KIF16B: variants seen among roughly 807,000 people sequenced by gnomAD.
The protein encoded by KIF16B is kinesin family member 16B, also known as kinesin-like protein KIF16B.
A neutral mutation model predicts 156.3 loss-of-function variants in KIF16B; 98 were observed. The ratio of observed to expected loss-of-function variants is 0.63; its 90% CI spans 0.53 to 0.74. The LOEUF (loss-of-function observed/expected upper bound fraction) is 0.74, where lower values mean the gene tolerates loss of function less well. Among genes scored for constraint, KIF16B ranks in the 30% least tolerant of loss-of-function variants. The pLI is 0.00. For missense variants in KIF16B, 1,421 were observed against 1,606.5 expected (o/e 0.88, Z 1.97); for synonymous variants, 564 against 583.7 (o/e 0.97, Z 0.49).
At chr20:16,368,308 G>A (rs980175674) in intron 22 of KIF16B, 26 of 994,756 alleles carry the variant, frequency 2.6e-5, no homozygotes, top group African/African-American at 7.0e-5. Flanking sequence ...CCGGTAAGGC[G>A]CCGCACCCTC....
At chr20:16,290,546 T>C (rs1214659825) in intron 25 of KIF16B, among the ~76,000 whole-genome samples, 1 of 152,102 alleles carries the variant, frequency 6.6e-6, no homozygotes, top group Admixed American at 6.5e-5. Context: ...CTGCTGCCTG[T>C]GTTTTGTTCT....
chr20:16,506,235 C>G, intron 7 of KIF16B, 45 bp from the exon 8 acceptor site: 2 of 1,499,558 alleles, frequency 1.3e-6, no homozygotes, highest in Non-Finnish European at 1.9e-6. Context: ...GCAAAGGGCC[C>G]TGATGTTGTT....
intron 23 of KIF16B, among the ~76,000 whole-genome samples, chr20:16,341,565 A>G (rs2064139640): frequency 6.6e-6 from 1 of 152,208 alleles, no homozygotes; most frequent in Non-Finnish European, 1.5e-5. Context: ...CTTACTTGAT[A>G]TTTTAATAAA....
intron 1 of KIF16B, among the ~76,000 whole-genome samples, chr20:16,541,738 G>A (rs1258845471): frequency 1.3e-5 from 2 of 152,248 alleles, no homozygotes; most frequent in African/African-American, 4.8e-5. Context: ...GGAAAAGAAG[G>A]AGACTGAGGC....
intron 25 of KIF16B, among the ~76,000 whole-genome samples, chr20:16,303,178 T>C (rs1003736111): frequency 3.3e-5 from 5 of 152,240 alleles, no homozygotes; most frequent in Non-Finnish European, 7.3e-5. Flanking sequence ...ATTACAACTA[T>C]ATAAGATGGG....
At chr20:16,310,949 T>C (rs928118322) in intron 25 of KIF16B, among the ~76,000 whole-genome samples, 1 of 152,210 alleles carries the variant, frequency 6.6e-6, no homozygotes, top group African/African-American at 2.4e-5. Flanking sequence ...CTCCCAGTCT[T>C]CAATTTCTCC....
At chr20:16,535,991 T>G (rs1211210479) in intron 1 of KIF16B, among the ~76,000 whole-genome samples, 1 of 152,184 alleles carries the variant, frequency 6.6e-6, no homozygotes, top group Non-Finnish European at 1.5e-5. Flanking sequence ...TACTGGGTAT[T>G]TATCCAAAGG....
At chr20:16,560,395 C>T (rs2071013029) in intron 1 of KIF16B, among the ~76,000 whole-genome samples, 1 of 152,202 alleles carries the variant, frequency 6.6e-6, no homozygotes, top group Admixed American at 6.5e-5. Context: ...ATGGCTTAGA[C>T]TTTGTCAATA....
intron 12 of KIF16B, among the ~76,000 whole-genome samples, chr20:16,463,575 A>G (rs76364279): frequency 0.011 from 1,709 of 152,278 alleles, 33 homozygotes; most frequent in African/African-American, 0.038. Context: ...CACGATAAAA[A>G]TGCACTTAAA....
intron 10 of KIF16B, among the ~76,000 whole-genome samples, chr20:16,498,457 TAC>T (rs1432125714): frequency 6.6e-6 from 1 of 152,224 alleles, no homozygotes; most frequent in Non-Finnish European, 1.5e-5. Context: ...TGTGTAAACT[TAC>T]AGTTACTCTG....
intron 12 of KIF16B, among the ~76,000 whole-genome samples, chr20:16,453,083 C>G (rs2067126346): frequency 6.8e-6 from 1 of 147,110 alleles, no homozygotes; most frequent in African/African-American, 2.6e-5. Context: ...GCCTGGGCAA[C>G]ATAGTGAGAC....
intron 23 of KIF16B, among the ~76,000 whole-genome samples, chr20:16,348,849 T>C: frequency 6.6e-6 from 1 of 152,190 alleles, no homozygotes; most frequent in African/African-American, 2.4e-5. Flanking sequence ...AGAATAATTT[T>C]AAAAAACCAA....
At chr20:16,315,307 A>T (rs1253326936) in intron 24 of KIF16B, among the ~76,000 whole-genome samples, 1 of 152,168 alleles carries the variant, frequency 6.6e-6, no homozygotes, top group Non-Finnish European at 1.5e-5. Context: ...AGTGACTTTC[A>T]GGCCTATAAT....
rs191947270 is a variant in KIF16B, at chr20:16,570,535, T to C, written c.47+2694A>G. ...TGGTAAAAAAATGGCATTTTATCAC[T>C]ATTATAGTATGCATGTCTTTCCTTA... is the stretch of plus-strand genomic sequence containing the variant. On this transcript the variant is annotated intron_variant, in intron 1 of 25. Transcript: ENST00000354981. 2.2e-3 allele frequency among the ~76,000 whole-genome samples: 334 copies of C among 152,338 alleles called. 2 individuals are homozygous for C. The highest frequency in any genetic ancestry group is 7.3e-3 in the African/African-American group (302 of 41,578).
chr20:16,343,667 T>G (rs2064180693), intron 23 of KIF16B, among the ~76,000 whole-genome samples: 1 of 152,148 alleles, frequency 6.6e-6, no homozygotes, highest in Non-Finnish European at 1.5e-5. Flanking sequence ...AGAAATATAT[T>G]CCTAAAGAAC....
chr20:16,366,748 C>A, intron 22 of KIF16B: 1 of 760,456 alleles, frequency 1.3e-6, no homozygotes, highest in Non-Finnish European at 1.6e-6. Flanking sequence ...CACTGCTAGA[C>A]TGGGCACTTT....
chr20:16,513,653 T>C (rs1420675413), intron 4 of KIF16B, among the ~76,000 whole-genome samples: 7 of 87,868 alleles, frequency 8.0e-5, no homozygotes, highest in Admixed American at 1.4e-4. Context: ...AGAGCAAAAC[T>C]ACGTTTAAAA....
At chr20:16,492,549 A>G (rs570610617) in intron 12 of KIF16B, among the ~76,000 whole-genome samples, 2 of 152,364 alleles carry the variant, frequency 1.3e-5, no homozygotes, top group East Asian at 3.9e-4. Flanking sequence ...TATTTTTTAA[A>G]AAAGCATTGG....
At chr20:16,394,230 A>G (rs2065438428) in intron 17 of KIF16B, among the ~76,000 whole-genome samples, 1 of 152,250 alleles carries the variant, frequency 6.6e-6, no homozygotes, top group Non-Finnish European at 1.5e-5. Context: ...TACAATCTGA[A>G]GTAACTGAAT....
Sources: allele counts gnomAD v4.1 joint callset (sites outside exome capture counted in the v4.1 genomes callset), GRCh38; gene constraint gnomAD v4.1.1; transcripts MANE v1.5; gene names NCBI Gene and HGNC (gene_info 2026-07-23, HGNC 2026-07-21).